ARHGAP15: variants seen among roughly 807,000 people sequenced by gnomAD.
ARHGAP15 encodes the protein Rho GTPase activating protein 15.
A neutral mutation model predicts 63.7 loss-of-function variants in ARHGAP15; 51 were observed. That is an observed-to-expected ratio of 0.80 (90% CI 0.64 to 1.01). The LOEUF is 1.01. ARHGAP15 is among the 50% of genes least tolerant of loss of function. The pLI, the probability that ARHGAP15 is intolerant of heterozygous loss-of-function variation, is 0.00. For missense variants in ARHGAP15, 560 were observed against 564.6 expected (o/e 0.99, Z 0.08); for synonymous variants, 191 against 193.8 (o/e 0.99, Z 0.12).
chr2:143,469,914 C>G (rs1691433368), intron 8 of ARHGAP15, among the ~76,000 whole-genome samples: 2 of 152,232 alleles, frequency 1.3e-5, no homozygotes, highest in South Asian at 4.2e-4. Flanking sequence ...ACATGCTGGA[C>G]TACCCTTTCC....
intron 12 of ARHGAP15, among the ~76,000 whole-genome samples, chr2:143,646,827 T>C (rs1377653043): frequency 6.6e-6 from 1 of 152,014 alleles, no homozygotes; most frequent in Non-Finnish European, 1.5e-5. Context: ...TATAATCTCA[T>C]AATCAAATGA....
chr2:143,239,939 C>T (rs960500416), intron 5 of ARHGAP15, among the ~76,000 whole-genome samples: 4 of 137,268 alleles, frequency 2.9e-5, no homozygotes, highest in Admixed American at 8.3e-5. Flanking sequence ...TGCAGTGAGC[C>T]GAGATCCCAT....
intron 1 of ARHGAP15, among the ~76,000 whole-genome samples, chr2:143,142,671 G>T (rs1185871452): frequency 6.6e-6 from 1 of 152,086 alleles, no homozygotes; most frequent in Non-Finnish European, 1.5e-5. Flanking sequence ...CATACCTTGT[G>T]TTGTGATAGT....
intron 11 of ARHGAP15, among the ~76,000 whole-genome samples, chr2:143,605,724 G>A (rs1574697470): frequency 6.6e-6 from 1 of 151,518 alleles, no homozygotes; most frequent in East Asian, 2.0e-4. Flanking sequence ...TACCTTAAAA[G>A]CATTCACCTC....
At chr2:143,506,460 A>T (rs937966016) in intron 9 of ARHGAP15, among the ~76,000 whole-genome samples, 7 of 151,932 alleles carry the variant, frequency 4.6e-5, no homozygotes, top group Non-Finnish European at 1.0e-4. Context: ...ACTTCAGATT[A>T]ATAGTAAGTT....
intron 9 of ARHGAP15, among the ~76,000 whole-genome samples, chr2:143,487,708 A>G (rs538937625): frequency 6.6e-6 from 1 of 152,316 alleles, no homozygotes; most frequent in South Asian, 2.1e-4. Flanking sequence ...TGAACAATAT[A>G]CCTAGTTTTG....
intron 13 of ARHGAP15, among the ~76,000 whole-genome samples, chr2:143,708,501 G>T (rs1684429922): frequency 6.6e-6 from 1 of 152,082 alleles, no homozygotes; most frequent in Non-Finnish European, 1.5e-5. Context: ...CAGAGTCCCA[G>T]TGAGACTATT....
chr2:143,421,983 A>ATCACCAGAT (rs1234036508), intron 6 of ARHGAP15, among the ~76,000 whole-genome samples: 2 of 152,122 alleles, frequency 1.3e-5, no homozygotes, highest in African/African-American at 4.8e-5. Flanking sequence ...TTTGAAAGCC[A>ATCACCAGAT]TCACCAGATT....
rs746791658 is a variant in ARHGAP15, at chr2:143,353,065, CTT to C, written c.475-82528_475-82527del. ...ACACTTTATAAACAATTTAAAGAAA[CTT>C]TTTTTTTCAGGAAAAGAATAGATGT... On this transcript the variant is annotated intron_variant, in intron 6 of 13. Coordinates refer to ENST00000295095, the MANE Select transcript of ARHGAP15 (RefSeq NM_018460.4). 2.0e-5 allele frequency among the ~76,000 whole-genome samples: 3 copies of C among 151,224 alleles called. No homozygotes were observed. The East Asian group carries it at 5.8e-4, about 29-fold the overall frequency.
chr2:143,175,661 C>T (rs16858724), intron 2 of ARHGAP15, among the ~76,000 whole-genome samples: 7,519 of 152,182 alleles, frequency 0.049, 581 homozygotes, highest in African/African-American at 0.17. Flanking sequence ...GGGTGACTAA[C>T]GCTCTCTGAA....
At chr2:143,232,848 T>C (rs556986437) in intron 5 of ARHGAP15, among the ~76,000 whole-genome samples, 92 of 152,324 alleles carry the variant, frequency 6.0e-4, no homozygotes, top group South Asian at 3.3e-3. Flanking sequence ...GTTTCTTGCT[T>C]CTTTCACTAA....
intron 11 of ARHGAP15, among the ~76,000 whole-genome samples, chr2:143,557,517 G>C (rs1332658301): frequency 6.6e-6 from 1 of 151,806 alleles, no homozygotes; most frequent in African/African-American, 2.4e-5. Flanking sequence ...GATTTTGAGG[G>C]CAAACAATTC....
chr2:143,714,649 C>T (rs2105448423), intron 13 of ARHGAP15, among the ~76,000 whole-genome samples: 1 of 152,322 alleles, frequency 6.6e-6, no homozygotes, highest in African/African-American at 2.4e-5. Context: ...CTTTTGAATG[C>T]TTTGCTGCTT....
chr2:143,544,695 A>G (rs1196682273), intron 10 of ARHGAP15, among the ~76,000 whole-genome samples: 1 of 152,200 alleles, frequency 6.6e-6, no homozygotes, highest in Non-Finnish European at 1.5e-5. Context: ...GTAAGTACCT[A>G]CACAATATCT....
At position 143,250,576 on chromosome 2, in the gene ARHGAP15, A is replaced by T; in HGVS notation, c.450A>T (p.Lys150Asn). 1.2e-6 allele frequency: 2 copies of T among 1,613,340 alleles called. No individual in the cohort carries two copies. The highest frequency in any genetic ancestry group is 1.7e-6 in the Non-Finnish European group (2 of 1,179,424). ...CGAHIEWAKEKSSRKNVFQIT... is the reference protein window; with the variant it reads ...CGAHIEWAKENSSRKNVFQIT... The stretch of plus-strand genomic sequence containing the variant: ...CACACATTGAATGGGCCAAGGAAAA[A>T]TCGAGCAGAAAGAATGTCTTTCAGG... Residue 150 changes from lysine to asparagine, a missense_variant, in exon 6 of 14, where the codon AAA becomes AAT. Transcript: ENST00000295095.
intron 6 of ARHGAP15, among the ~76,000 whole-genome samples, chr2:143,413,821 C>T (rs1240354385): frequency 6.6e-6 from 1 of 152,000 alleles, no homozygotes; most frequent in Admixed American, 6.6e-5. Context: ...GAAGCAAGAC[C>T]AAACTGTGAG....
At chr2:143,427,616 C>T (rs768267038) in intron 6 of ARHGAP15, among the ~76,000 whole-genome samples, 12 of 151,948 alleles carry the variant, frequency 7.9e-5, no homozygotes, top group Admixed American at 1.3e-4. Context: ...TAATCAAGAA[C>T]GTTCTATTTT....
chr2:143,393,085 A>T (rs1687603764), intron 6 of ARHGAP15, among the ~76,000 whole-genome samples: 1 of 152,148 alleles, frequency 6.6e-6, no homozygotes, highest in Admixed American at 6.6e-5. Flanking sequence ...AAAGCCTTTT[A>T]TTCTAAAGGT....
At chr2:143,572,445 G>A (rs538186789) in intron 11 of ARHGAP15, among the ~76,000 whole-genome samples, 77 of 152,030 alleles carry the variant, frequency 5.1e-4, no homozygotes, top group South Asian at 6.2e-4. Flanking sequence ...TGTTCTCAGC[G>A]TTATCATCCC....
Sources: gnomAD v4.1 joint callset for allele counts (sites outside exome capture counted in the v4.1 genomes callset) on GRCh38, gnomAD v4.1.1 for gene constraint, MANE v1.5 for transcripts, NCBI Gene and HGNC (gene_info 2026-07-23, HGNC 2026-07-21) for gene names.